MBIP: variants seen among roughly 807,000 people sequenced by gnomAD.
MBIP encodes MAP3K12 binding inhibitory protein 1.
In MBIP, 32 loss-of-function variants were observed where a neutral mutation model predicts 45.7. The observed-to-expected ratio is 0.70, with a 90% CI of 0.53 to 0.94. MBIP has a LOEUF of 0.94. Ranked by LOEUF, MBIP falls within the 40% of genes least tolerant of loss-of-function variation. The pLI, the probability that MBIP is intolerant of heterozygous loss-of-function variation, is 0.00. For synonymous variants in MBIP, 145 were observed against 141.0 expected, an observed-to-expected ratio of 1.03 and a Z score of -0.20; for missense variants, 381 against 405.5, an observed-to-expected ratio of 0.94 and a Z score of 0.52.
At chr14:36,318,681 T>C (rs1216706600) in intron 1 of MBIP, among the ~76,000 whole-genome samples, 1 of 151,996 alleles carries the variant, frequency 6.6e-6, no homozygotes, top group Non-Finnish European at 1.5e-5. Flanking sequence ...TTAGTAAATT[T>C]TGTGATCTTA....
At chr14:36,320,028 C>T (rs1290677670) in intron 1 of MBIP, among the ~76,000 whole-genome samples, 1 of 151,940 alleles carries the variant, frequency 6.6e-6, no homozygotes, top group African/African-American at 2.4e-5. Flanking sequence ...CAAATTACTC[C>T]CTCCCCCACC....
intron 7 of MBIP, among the ~76,000 whole-genome samples, chr14:36,305,874 T>G (rs1879842512): frequency 6.6e-6 from 1 of 152,196 alleles, no homozygotes; most frequent in African/African-American, 2.4e-5. Flanking sequence ...CATCAGTATT[T>G]GTCCATTTTT....
chr14:36,307,899 T>G (rs568919979), intron 7 of MBIP, 193 bp downstream of exon 7: 7 of 369,758 alleles, frequency 1.9e-5, no homozygotes, highest in Non-Finnish European at 3.4e-5. Context: ...TTTTTAAAAA[T>G]TCTAAATTTT....
At chr14:36,311,079 T>C (rs911542187) in intron 6 of MBIP, among the ~76,000 whole-genome samples, 33 of 152,122 alleles carry the variant, frequency 2.2e-4, no homozygotes, top group South Asian at 4.2e-4. Flanking sequence ...GTGGGCAGAT[T>C]TGAGAGATAT....
At chr14:36,300,253 C>CA (rs1566545843) in intron 8 of MBIP, among the ~76,000 whole-genome samples, 1 of 152,088 alleles carries the variant, frequency 6.6e-6, no homozygotes, top group African/African-American at 2.4e-5. Context: ...TAGCTGCTAT[C>CA]AAAAAACTTA....
chr14:36,299,142 G>A lies in MBIP; in HGVS notation c.976C>T (p.Gln326Ter). ...ELDEKISALKQALLRKSREAE... is the reference protein window; with the variant it reads ...ELDEKISALK Reference sequence around the variant, plus strand: ...TCTCTTGATTTTCTGAGGAGGGCTTGTTTGAGGGCACTAATTTTCTCATCA... The same window carrying A: ...TCTCTTGATTTTCTGAGGAGGGCTTATTTGAGGGCACTAATTTTCTCATCA... The change falls in exon 9 of 9, where the codon CAA (glutamine) becomes TAA (stop). Residue 326 changes from glutamine (Q) to a stop codon, truncating the protein, a stop_gained. Transcript: ENST00000416007. LOFTEE classifies it high-confidence loss of function. 1.2e-6 allele frequency: 2 copies of A among 1,613,854 alleles called. No homozygotes were observed. The highest frequency in any genetic ancestry group is 1.7e-6 in the Non-Finnish European group (2 of 1,179,830).
chr14:36,314,209 G>A (rs1322676896), intron 4 of MBIP: 1 of 264,806 alleles, frequency 3.8e-6, no homozygotes, highest in Admixed American at 5.0e-5. Context: ...TTACTAGTGA[G>A]ATAGATCAAC....
At chr14:36,299,394 A>T (rs1312725858) in intron 8 of MBIP, among the ~76,000 whole-genome samples, 3 of 152,094 alleles carry the variant, frequency 2.0e-5, no homozygotes, top group Non-Finnish European at 4.4e-5. Context: ...CAAGGCTTAA[A>T]TATTTCTTTT....
rs139594518 is a variant in MBIP, at chr14:36,310,603, T to C, written c.790+970A>G. Among the ~76,000 whole-genome samples the C allele has an allele frequency of 4.9e-3, 746 of 152,306 alleles. 6 individuals are homozygous for C. The highest frequency in any genetic ancestry group is 0.017 in the African/African-American group (686 of 41,562). ...AAAGAAATGAATATGACAGACATAG[T>C]TGCACTCTCACGGACTATCTAGCAG... On this transcript the variant is annotated intron_variant, in intron 6 of 8. Transcript: ENST00000416007.
intron 2 of MBIP, among the ~76,000 whole-genome samples, 170 bp downstream of exon 2, chr14:36,316,523 G>T (rs1880577710): frequency 6.6e-6 from 1 of 152,096 alleles, no homozygotes; most frequent in Admixed American, 6.6e-5. Context: ...TCCCTTAACT[G>T]TCCTGATCAC....
intron 2 of MBIP, among the ~76,000 whole-genome samples, chr14:36,315,868 G>A (rs1190488388): frequency 6.6e-6 from 1 of 151,910 alleles, no homozygotes; most frequent in African/African-American, 2.4e-5. Context: ...CTACAATTTT[G>A]CTTCCATTGT....
intron 7 of MBIP, among the ~76,000 whole-genome samples, chr14:36,301,374 G>A (rs982364360): frequency 6.6e-6 from 1 of 152,336 alleles, no homozygotes; most frequent in East Asian, 1.9e-4. Context: ...TGACTGAAAT[G>A]GGCATGGGTC....
chr14:36,315,269 A>G (rs377386716), intron 2 of MBIP, among the ~76,000 whole-genome samples: 59 of 152,234 alleles, frequency 3.9e-4, no homozygotes, highest in Middle Eastern at 3.4e-3. Context: ...TCTGGCACCA[A>G]TGCCACTTAA....
chr14:36,320,433 T>A, intron 1 of MBIP, 27 bp downstream of exon 1: 2 of 1,613,660 alleles, frequency 1.2e-6, no homozygotes, highest in Non-Finnish European at 1.7e-6. Flanking sequence ...GGTTTCCATA[T>A]TCCCAGTCCC....
In MBIP at chr14:36,301,245, A is replaced by G. The variant is rs117488393; in HGVS notation, c.889-422T>C. ...TCTGGTATATGAGGCCAAGGGGTGA[A>G]AACACACATACACACACCCTGGACT... On this transcript the variant is annotated intron_variant, in intron 7 of 8. Transcript: ENST00000416007. Among the ~76,000 whole-genome samples, 1,423 of 152,280 alleles carry G rather than the reference A, an allele frequency of 9.3e-3. 14 individuals are homozygous for G. The highest frequency in any genetic ancestry group is 0.031 in the Middle Eastern group (9 of 294).
chr14:36,314,181 C>G lies in MBIP; in HGVS notation c.571+331G>C, dbSNP rs188216661. The stretch of plus-strand genomic sequence containing the variant: ...ACAGTACATGTATAGGTTTGAAATT[C>G]ATAGAGCTCAGTTCCTTTTACTAGT... On this transcript the variant is annotated intron_variant, in intron 4 of 8. Transcript: ENST00000416007. 3 of 216,188 alleles carry G rather than the reference C, an allele frequency of 1.4e-5. No individual in the cohort carries two copies. The Admixed American group carries it at 1.6e-4, about 12-fold the overall frequency. The allele number at this position is 216,188 out of a possible 1,614,324, so 13.4% of individuals were successfully genotyped here. A position where few individuals can be genotyped will look rare whatever the true frequency, so the allele number is the denominator to read the frequency against.
At chr14:36,313,222 G>A (rs1401106817) in intron 4 of MBIP, 1 of 151,310 alleles carries the variant, frequency 6.6e-6, no homozygotes, top group East Asian at 1.9e-4. Flanking sequence ...ATTTCATGGG[G>A]CTAAGGGTTA....
chr14:36,311,627 G>T lies in MBIP; in HGVS notation c.736C>A (p.Gln246Lys). Residue 246 changes from glutamine (Q) to lysine (K), a missense_variant, in exon 6 of 9, where the codon CAG becomes AAG. Gln to Lys is a moderately conservative substitution (Grantham distance 53). Coordinates refer to ENST00000416007, the MANE Select transcript of MBIP (RefSeq NM_016586.3). The stretch of plus-strand genomic sequence containing the variant: ...TTTTGTAGTCGTTCTTCTACAGCCT[G>T]ATTACCACAGTCTCGAAGCATGCTG... The part of the protein sequence containing the change: ...PNSMLRDCGN[Q>K]AVEERLQNIE... 2 of 1,613,468 alleles carry T rather than the reference G, an allele frequency of 1.2e-6. No individual in the cohort carries two copies. Among genetic ancestry groups the T allele is most frequent in the Non-Finnish European group, 1.7e-6 (2 of 1,179,584 alleles).
intron 4 of MBIP, 182 bp downstream of exon 4, chr14:36,314,330 C>G (rs1880407931): frequency 2.2e-6 from 1 of 464,412 alleles, no homozygotes; most frequent in Non-Finnish European, 3.8e-6. Flanking sequence ...AAATGAAAAC[C>G]AGTTTGCAAT....
Sources: allele counts gnomAD v4.1 joint callset (sites outside exome capture counted in the v4.1 genomes callset), GRCh38; gene constraint gnomAD v4.1.1; transcripts MANE v1.5; gene names NCBI Gene and HGNC (gene_info 2026-07-23, HGNC 2026-07-21).